The following LRFN5 variants were observed in gnomAD, a reference collection of about 807,000 sequenced individuals.
LRFN5 encodes the protein leucine-rich repeat and fibronectin type-III domain-containing protein 5.
A neutral mutation model predicts 45.6 loss-of-function variants in LRFN5; 24 were observed. That is an observed-to-expected ratio of 0.53 (90% CI 0.38 to 0.74). The LOEUF is 0.74. LRFN5 is among the 30% of genes least tolerant of loss of function. The probability of loss-of-function intolerance (pLI) is 0.00; values close to 1 mark genes in which losing one functional copy is unlikely to be tolerated. For missense variants in LRFN5, 776 were observed against 861.5 expected (o/e 0.90, Z 1.24); for synonymous variants, 340 against 313.8 (o/e 1.08, Z -0.88).
intron 1 of LRFN5, among the ~76,000 whole-genome samples, chr14:41,687,987 T>G (rs1259613900): frequency 6.6e-6 from 1 of 152,216 alleles, no homozygotes; most frequent in Non-Finnish European, 1.5e-5. Flanking sequence ...TATTTAGCTT[T>G]TAAAAATAAT....
At chr14:41,816,838 A>T (rs1002320037) in intron 2 of LRFN5, among the ~76,000 whole-genome samples, 13 of 151,854 alleles carry the variant, frequency 8.6e-5, no homozygotes, top group African/African-American at 2.9e-4. Flanking sequence ...AATCTCAGTG[A>T]TTGTGGTTTC....
chr14:41,702,192 T>A (rs986611446), intron 1 of LRFN5, among the ~76,000 whole-genome samples: 11 of 152,168 alleles, frequency 7.2e-5, no homozygotes, highest in Non-Finnish European at 1.3e-4. Context: ...TACAAGTTAG[T>A]GAAGCCTAGG....
chr14:41,901,203 G>A (rs182575183), intron 5 of LRFN5, among the ~76,000 whole-genome samples: 26 of 151,968 alleles, frequency 1.7e-4, no homozygotes, highest in African/African-American at 2.7e-4. Context: ...AAGGAATTAC[G>A]TATAAAATTA....
intron 1 of LRFN5, among the ~76,000 whole-genome samples, chr14:41,667,182 G>A (rs1312867878): frequency 6.6e-6 from 1 of 152,136 alleles, no homozygotes; most frequent in Non-Finnish European, 1.5e-5. Flanking sequence ...TTAGTTTAGA[G>A]AAGAATGTTT....
At chr14:41,754,021 A>C (rs965715124) in intron 1 of LRFN5, among the ~76,000 whole-genome samples, 5 of 152,090 alleles carry the variant, frequency 3.3e-5, no homozygotes, top group Admixed American at 3.3e-4. Context: ...ATTGAGATAA[A>C]CATGTGGTTT....
intron 2 of LRFN5, among the ~76,000 whole-genome samples, chr14:41,832,141 C>G (rs551074288): frequency 6.6e-6 from 1 of 152,132 alleles, no homozygotes; most frequent in Admixed American, 6.6e-5. Flanking sequence ...AGGCACAATT[C>G]AGTCCATGGC....
chr14:41,897,452 A>G (rs1890978036), intron 4 of LRFN5, among the ~76,000 whole-genome samples: 1 of 152,044 alleles, frequency 6.6e-6, no homozygotes, highest in Non-Finnish European at 1.5e-5. Context: ...CATCACATAC[A>G]TTTGTATAAA....
At chr14:41,642,671 T>G (rs551803506) in intron 1 of LRFN5, among the ~76,000 whole-genome samples, 1 of 152,304 alleles carries the variant, frequency 6.6e-6, no homozygotes, top group South Asian at 2.1e-4. Flanking sequence ...CATAGTGACC[T>G]GGATCAAATG....
chr14:41,801,695 T>C (rs902507536), intron 2 of LRFN5, among the ~76,000 whole-genome samples: 2 of 152,160 alleles, frequency 1.3e-5, no homozygotes, highest in Admixed American at 6.6e-5. Context: ...ACACAGAGTG[T>C]GTTGGAGATG....
chr14:41,842,127 G>T (rs1040299131), intron 2 of LRFN5, among the ~76,000 whole-genome samples: 1 of 151,874 alleles, frequency 6.6e-6, no homozygotes, highest in Non-Finnish European at 1.5e-5. Flanking sequence ...TGGGTTTGTT[G>T]TTTTTGGCTT....
intron 1 of LRFN5, among the ~76,000 whole-genome samples, chr14:41,753,588 A>C (rs1182131578): frequency 6.6e-6 from 1 of 152,090 alleles, no homozygotes; most frequent in Admixed American, 6.6e-5. Flanking sequence ...GGTGTATAAG[A>C]ATGCTTGTGA....
At chr14:41,874,881 G>T (rs1477066594) in intron 2 of LRFN5, among the ~76,000 whole-genome samples, 2 of 152,170 alleles carry the variant, frequency 1.3e-5, no homozygotes, top group African/African-American at 4.8e-5. Flanking sequence ...GTGGCAGCAA[G>T]AAGTGCTGAG....
At chr14:41,896,544 G>T (rs1000791494) in intron 4 of LRFN5, among the ~76,000 whole-genome samples, 12 of 152,054 alleles carry the variant, frequency 7.9e-5, no homozygotes, top group African/African-American at 2.9e-4. Context: ...CAATGTTAGT[G>T]ATATTTAAGT....
intron 1 of LRFN5, among the ~76,000 whole-genome samples, chr14:41,651,786 C>T (rs1386176007): frequency 1.3e-5 from 2 of 152,278 alleles, no homozygotes; most frequent in African/African-American, 4.8e-5. Flanking sequence ...TTTGCAAAGA[C>T]TAGATGGCTT....
intron 2 of LRFN5, among the ~76,000 whole-genome samples, chr14:41,835,397 T>C (rs1333368576): frequency 6.6e-6 from 1 of 152,190 alleles, no homozygotes. Context: ...AAATAAACCT[T>C]TGGTCTGAAC....
At chr14:41,881,744 A>G (rs577428140) in intron 2 of LRFN5, among the ~76,000 whole-genome samples, 3 of 152,214 alleles carry the variant, frequency 2.0e-5, no homozygotes, top group South Asian at 2.1e-4. Context: ...TTTGTCTTCA[A>G]TTACATTTAT....
intron 1 of LRFN5, among the ~76,000 whole-genome samples, chr14:41,677,939 G>T (rs576635659): frequency 6.6e-6 from 1 of 151,946 alleles, no homozygotes; most frequent in East Asian, 1.9e-4. Context: ...CAATATAAAC[G>T]CAACTATATT....
chr14:41,758,070 T>C (rs746521421), intron 1 of LRFN5, among the ~76,000 whole-genome samples: 3 of 152,176 alleles, frequency 2.0e-5, no homozygotes, highest in Non-Finnish European at 4.4e-5. Flanking sequence ...TGCTTTCAAA[T>C]GGCCTTTGAA....
At chr14:41,699,826 A>G (rs1463173759) in intron 1 of LRFN5, 1 of 152,112 alleles carries the variant, frequency 6.6e-6, no homozygotes, top group Non-Finnish European at 1.5e-5. Context: ...TGAAGGAAAT[A>G]CAATAACATT....
Sources: allele counts gnomAD v4.1 joint callset (sites outside exome capture counted in the v4.1 genomes callset), GRCh38; gene constraint gnomAD v4.1.1; transcripts MANE v1.5; gene names NCBI Gene and HGNC (gene_info 2026-07-23, HGNC 2026-07-21).